EBF1: variants seen among roughly 807,000 people sequenced by gnomAD.
EBF1 encodes the protein transcription factor COE1.
EBF1 carries 10 observed loss-of-function variants against 68.4 expected under a neutral mutation model. The observed-to-expected ratio is 0.15, with a 90% CI of 0.09 to 0.25. The LOEUF (loss-of-function observed/expected upper bound fraction) is 0.25, where lower values mean the gene tolerates loss of function less well. EBF1 is among the 10% of genes least tolerant of loss of function. The pLI is 1.00. For missense variants in EBF1, 509 were observed against 794.4 expected (o/e 0.64, Z 4.32); for synonymous variants, 298 against 299.8 (o/e 0.99, Z 0.06).
chr5:158,763,179 AG>A (rs1156534017), intron 10 of EBF1, among the ~76,000 whole-genome samples: 1 of 152,196 alleles, frequency 6.6e-6, no homozygotes, highest in Admixed American at 6.5e-5. Context: ...GGCACAAAGG[AG>A]GGTCCACAGA....
At chr5:159,028,720 G>T (rs996868700) in intron 6 of EBF1, among the ~76,000 whole-genome samples, 8 of 152,214 alleles carry the variant, frequency 5.3e-5, no homozygotes, top group African/African-American at 1.9e-4. Flanking sequence ...TGGAGGACTG[G>T]ATGACTGGGT....
At chr5:158,871,617 AG>A (rs1292331235) in intron 6 of EBF1, among the ~76,000 whole-genome samples, 3 of 152,232 alleles carry the variant, frequency 2.0e-5, no homozygotes, top group African/African-American at 7.2e-5. Flanking sequence ...CCCCTGGCCA[AG>A]GATCTGAAGT....
intron 6 of EBF1, among the ~76,000 whole-genome samples, chr5:159,016,502 G>A (rs752764543): frequency 2.0e-5 from 3 of 152,160 alleles, no homozygotes; most frequent in African/African-American, 4.8e-5. Context: ...CAATGATAAC[G>A]ATGATAGGAA....
intron 6 of EBF1, among the ~76,000 whole-genome samples, chr5:158,863,386 A>G (rs1461055711): frequency 6.6e-6 from 1 of 152,204 alleles, no homozygotes; most frequent in Non-Finnish European, 1.5e-5. Flanking sequence ...TTGCTCTATG[A>G]CTGCCACTTA....
At chr5:158,855,805 C>T (rs1175717891) in intron 6 of EBF1, among the ~76,000 whole-genome samples, 1 of 152,196 alleles carries the variant, frequency 6.6e-6, no homozygotes, top group African/African-American at 2.4e-5. Flanking sequence ...CTCTGGTCAT[C>T]TGTAGCATAA....
intron 6 of EBF1, among the ~76,000 whole-genome samples, chr5:159,055,087 C>T (rs1023538331): frequency 6.6e-6 from 1 of 152,134 alleles, no homozygotes; most frequent in African/African-American, 2.4e-5. Flanking sequence ...CTTCTTATTA[C>T]CTGGCTGATC....
intron 6 of EBF1, among the ~76,000 whole-genome samples, chr5:158,996,406 G>C (rs757448735): frequency 6.6e-6 from 1 of 152,144 alleles, no homozygotes; most frequent in Non-Finnish European, 1.5e-5. Context: ...TAACCATAAA[G>C]ATTGTTGTCT....
chr5:158,814,976 A>G (rs1045840144), intron 8 of EBF1, among the ~76,000 whole-genome samples: 3 of 152,232 alleles, frequency 2.0e-5, no homozygotes, highest in Non-Finnish European at 4.4e-5. Flanking sequence ...GCTCTGGGCT[A>G]ACTTTTGAAA....
intron 6 of EBF1, among the ~76,000 whole-genome samples, chr5:158,971,000 C>G (rs973392361): frequency 6.6e-6 from 1 of 152,154 alleles, no homozygotes; most frequent in Non-Finnish European, 1.5e-5. Context: ...GGTCAAAGCA[C>G]TAGAAAGTAG....
intron 8 of EBF1, among the ~76,000 whole-genome samples, chr5:158,812,528 G>T (rs1246485565): frequency 1.3e-5 from 2 of 152,076 alleles, no homozygotes; most frequent in Non-Finnish European, 2.9e-5. Flanking sequence ...TAGAAGGAAG[G>T]GTAGCAGCCA....
chr5:158,904,667 G>T (rs11747592), intron 6 of EBF1, among the ~76,000 whole-genome samples: 3,339 of 152,158 alleles, frequency 0.022, 38 homozygotes, highest in East Asian at 0.045. Flanking sequence ...CCATTTATGG[G>T]CCCATTTCTA....
chr5:158,709,051 G>C (rs79924379), intron 14 of EBF1, among the ~76,000 whole-genome samples: 3,905 of 152,210 alleles, frequency 0.026, 84 homozygotes, highest in Non-Finnish European at 0.035. Flanking sequence ...TCTTGGCCTG[G>C]CCTCTCATCT....
chr5:158,699,408 T>G (rs1401200885), intron 15 of EBF1, among the ~76,000 whole-genome samples: 2 of 152,230 alleles, frequency 1.3e-5, no homozygotes, highest in Non-Finnish European at 2.9e-5. Context: ...ATTTCAATTT[T>G]AAGGCATAAC....
At chr5:158,735,572 AGAAG>A (rs1171752759) in intron 10 of EBF1, among the ~76,000 whole-genome samples, 2 of 152,196 alleles carry the variant, frequency 1.3e-5, no homozygotes, top group Non-Finnish European at 1.5e-5. Flanking sequence ...CTGAGATTTG[AGAAG>A]GATCCCCTCA....
intron 10 of EBF1, among the ~76,000 whole-genome samples, chr5:158,746,246 A>C (rs543357068): frequency 7.7e-4 from 118 of 152,330 alleles, no homozygotes; most frequent in Non-Finnish European, 1.4e-3. Context: ...TTACTAATAA[A>C]AGTGACAATT....
At chr5:159,002,769 T>C (rs1762791381) in intron 6 of EBF1, among the ~76,000 whole-genome samples, 1 of 152,184 alleles carries the variant, frequency 6.6e-6, no homozygotes, top group South Asian at 2.1e-4. Context: ...TACATAGTCA[T>C]GTAAAATGTA....
At chr5:158,708,390 T>C (rs1431949963) in intron 14 of EBF1, among the ~76,000 whole-genome samples, 1 of 152,186 alleles carries the variant, frequency 6.6e-6, no homozygotes, top group East Asian at 1.9e-4. Context: ...TATGTGTTTA[T>C]TGTGGGGCCA....
chr5:159,079,030 C>T (rs1266235860), intron 5 of EBF1, among the ~76,000 whole-genome samples: 1 of 152,166 alleles, frequency 6.6e-6, no homozygotes, highest in African/African-American at 2.4e-5. Flanking sequence ...AGATGCCTTA[C>T]CTATTTCCCT....
At chr5:158,988,632 A>G (rs891327115) in intron 6 of EBF1, among the ~76,000 whole-genome samples, 1 of 152,136 alleles carries the variant, frequency 6.6e-6, no homozygotes, top group Non-Finnish European at 1.5e-5. Flanking sequence ...TAGGGTTGCT[A>G]TTGTATCAGC....
Sources: gnomAD v4.1 joint callset for allele counts (sites outside exome capture counted in the v4.1 genomes callset) on GRCh38, gnomAD v4.1.1 for gene constraint, MANE v1.5 for transcripts, NCBI Gene and HGNC (gene_info 2026-07-23, HGNC 2026-07-21) for gene names.